ETFA: variants seen among roughly 807,000 people sequenced by gnomAD.
The protein encoded by ETFA is electron transfer flavoprotein subunit alpha, mitochondrial.
ETFA carries 22 observed loss-of-function variants against 46.2 expected under a neutral mutation model. The ratio of observed to expected loss-of-function variants is 0.48; its 90% confidence interval spans 0.34 to 0.68. ETFA has a LOEUF of 0.68. ETFA is among the 30% of genes least tolerant of loss of function. ETFA has a pLI of 0.01. For synonymous variants in ETFA, 131 were observed against 139.9 expected, an observed-to-expected ratio of 0.94 and a Z score of 0.45; for missense variants, 345 against 401.1, an observed-to-expected ratio of 0.86 and a Z score of 1.19.
intron 9 of ETFA, among the ~76,000 whole-genome samples, chr15:76,255,532 C>T (rs745926161): frequency 1.6e-4 from 24 of 152,178 alleles, no homozygotes; most frequent in Admixed American, 1.0e-3. Context: ...TCCAGTGGTA[C>T]GTAACTTGCT....
intron 8 of ETFA, among the ~76,000 whole-genome samples, chr15:76,281,258 G>A (rs2039647791): frequency 6.6e-6 from 1 of 152,050 alleles, no homozygotes; most frequent in Non-Finnish European, 1.5e-5. Context: ...GCCCGCCTTG[G>A]CCTCCCAAAG....
chr15:76,239,180 G>GT (rs1413144103), intron 9 of ETFA, among the ~76,000 whole-genome samples: 1 of 152,122 alleles, frequency 6.6e-6, no homozygotes, highest in Non-Finnish European at 1.5e-5. Context: ...AGAAAGCAGA[G>GT]TCTCAGGCAG....
intron 10 of ETFA, chr15:76,230,204 C>T (rs1217312673): frequency 1.6e-5 from 2 of 128,764 alleles, no homozygotes; most frequent in African/African-American, 5.7e-5. Flanking sequence ...TGTTTCCTTC[C>T]TCTACTTATT....
At chr15:76,300,367 G>A (rs1375434296) in intron 1 of ETFA, among the ~76,000 whole-genome samples, 1 of 151,966 alleles carries the variant, frequency 6.6e-6, no homozygotes, top group Admixed American at 6.6e-5. Context: ...TCCAGACTTC[G>A]ATCTGCCCCA....
At chr15:76,278,253 A>G (rs1373108402) in intron 8 of ETFA, among the ~76,000 whole-genome samples, 1 of 151,936 alleles carries the variant, frequency 6.6e-6, no homozygotes, top group African/African-American at 2.4e-5. Context: ...AATACTCCCA[A>G]TTTTCAGCGT....
chr15:76,306,787 T>C (rs1360474236), intron 1 of ETFA, among the ~76,000 whole-genome samples: 2 of 152,226 alleles, frequency 1.3e-5, no homozygotes, highest in Non-Finnish European at 2.9e-5. Flanking sequence ...TTATATGACA[T>C]TGACTGTAAT....
chr15:76,254,774 T>C (rs2039333346), intron 9 of ETFA, among the ~76,000 whole-genome samples: 1 of 152,210 alleles, frequency 6.6e-6, no homozygotes, highest in Non-Finnish European at 1.5e-5. Flanking sequence ...AGGTAGTTGA[T>C]TTTAGGTATA....
At chr15:76,279,568 C>T (rs1012818263) in intron 8 of ETFA, among the ~76,000 whole-genome samples, 1 of 152,150 alleles carries the variant, frequency 6.6e-6, no homozygotes, top group Non-Finnish European at 1.5e-5. Context: ...CGAGTCACTG[C>T]ACCTGGCCAG....
At chr15:76,220,481 T>C (rs1315217000) in intron 11 of ETFA, among the ~76,000 whole-genome samples, 2 of 152,220 alleles carry the variant, frequency 1.3e-5, no homozygotes, top group Non-Finnish European at 2.9e-5. Context: ...CCCTTTTTCA[T>C]AGGCATTGAC....
At chr15:76,270,458 T>C (rs148889162) in intron 9 of ETFA, among the ~76,000 whole-genome samples, 51 of 152,376 alleles carry the variant, frequency 3.3e-4, no homozygotes, top group African/African-American at 1.1e-3. Context: ...TATATGCAGG[T>C]AAATATATAT....
rs57096514 is a variant in ETFA at position 76,268,189 on chromosome 15, C to CAA, written c.816+6221_816+6222dup. Among the ~76,000 whole-genome samples, 39 of 107,098 alleles carry CAA rather than the reference C, an allele frequency of 3.6e-4. 2 individuals are homozygous for CAA. Among genetic ancestry groups the CAA allele is most frequent in the Admixed American group, 1.1e-3 (11 of 9,892 alleles). The allele number at this position is 107,098 out of a possible 152,430, so 70.3% of individuals were successfully genotyped here. ...GCAATGGCATGCCTCCCAGCTACAG[C>CAA]AAAAAAAAAAAAAAAAAGCCTTTGC... On this transcript the variant is annotated intron_variant, in intron 9 of 11. Coordinates refer to ENST00000557943, the MANE Select transcript of ETFA (RefSeq NM_000126.4).
chr15:76,307,293 GAT>G (rs1949683923), intron 1 of ETFA, among the ~76,000 whole-genome samples: 1 of 152,016 alleles, frequency 6.6e-6, no homozygotes, highest in Non-Finnish European at 1.5e-5. Flanking sequence ...CTTTATTATA[GAT>G]ATAAAAACTA....
intron 9 of ETFA, among the ~76,000 whole-genome samples, chr15:76,246,214 G>A (rs116641593): frequency 6.6e-6 from 1 of 152,124 alleles, no homozygotes; most frequent in Non-Finnish European, 1.5e-5. Context: ...ACAGTATGAA[G>A]TATGAATTAT....
chr15:76,305,866 T>G (rs965700255), intron 1 of ETFA, among the ~76,000 whole-genome samples: 3 of 151,842 alleles, frequency 2.0e-5, no homozygotes, highest in Admixed American at 6.6e-5. Context: ...ATAGTTGTTT[T>G]TTTTTTTTTC....
rs965474844 is a variant in ETFA, at chr15:76,260,426, T to C, written c.816+13986A>G. ...CACCAAGGACCACAGGTACCCAGGA[T>C]GTGCGGCTGTGAGGAGGGCCCTTCT... On this transcript the variant is annotated intron_variant, in intron 9 of 11. Transcript: ENST00000557943. The C allele has an allele frequency of 7.6e-6, 12 of 1,585,682 alleles. No homozygotes were observed. In the African/African-American group the frequency reaches 9.5e-5, roughly 12 times the overall value.
intron 8 of ETFA, among the ~76,000 whole-genome samples, chr15:76,281,584 C>G (rs1465998068): frequency 6.6e-6 from 1 of 151,854 alleles, no homozygotes; most frequent in African/African-American, 2.4e-5. Context: ...TATCACTGCG[C>G]CCAGCTAATT....
chr15:76,301,385 C>A (rs1456526355), intron 1 of ETFA, among the ~76,000 whole-genome samples: 1 of 152,190 alleles, frequency 6.6e-6, no homozygotes, highest in Non-Finnish European at 1.5e-5. Context: ...ACAGAGCTGA[C>A]ACCAATAAGG....
At chr15:76,243,867 A>AATT (rs1394726384) in intron 9 of ETFA, among the ~76,000 whole-genome samples, 3 of 151,846 alleles carry the variant, frequency 2.0e-5, no homozygotes, top group African/African-American at 7.3e-5. Context: ...CCGTTCTCAA[A>AATT]ATTATTATTA....
intron 8 of ETFA, among the ~76,000 whole-genome samples, chr15:76,276,949 C>G (rs1317265017): frequency 6.6e-6 from 1 of 152,140 alleles, no homozygotes; most frequent in African/African-American, 2.4e-5. Flanking sequence ...CTTTCTCTGT[C>G]TCTTCAAACT....
Sources: allele counts gnomAD v4.1 joint callset (sites outside exome capture counted in the v4.1 genomes callset), GRCh38; gene constraint gnomAD v4.1.1; transcripts MANE v1.5; gene names NCBI Gene and HGNC (gene_info 2026-07-23, HGNC 2026-07-21).